PREX2: variants seen among roughly 807,000 people sequenced by gnomAD.
The protein encoded by PREX2 is phosphatidylinositol-3,4,5-trisphosphate dependent Rac exchange factor 2, also known as phosphatidylinositol 3,4,5-trisphosphate-dependent Rac exchanger 2 protein.
Under a neutral mutation model 203.2 loss-of-function variants are expected in PREX2, and 107 were observed. The observed-to-expected ratio is 0.53, with a 90% CI of 0.45 to 0.62. The LOEUF is 0.62. Among genes scored for constraint, PREX2 ranks in the 20% least tolerant of loss-of-function variants. The probability of loss-of-function intolerance (pLI) is 0.00; values close to 1 mark genes in which losing one functional copy is unlikely to be tolerated. For missense variants in PREX2, 1,777 were observed against 1,955.9 expected, an observed-to-expected ratio of 0.91 and a Z score of 1.72; for synonymous variants, 672 against 663.6, an observed-to-expected ratio of 1.01 and a Z score of -0.19.
At chr8:68,172,532 G>T (rs1240160704) in intron 35 of PREX2, among the ~76,000 whole-genome samples, 1 of 152,132 alleles carries the variant, frequency 6.6e-6, no homozygotes, top group Non-Finnish European at 1.5e-5. Context: ...AATTATGTAG[G>T]GGAAGTGTAA....
At chr8:68,035,419 A>G (rs1008155235) in intron 6 of PREX2, among the ~76,000 whole-genome samples, 1 of 152,112 alleles carries the variant, frequency 6.6e-6, no homozygotes. Context: ...GGATGTTTCA[A>G]GGCCTCCTGT....
chr8:68,085,345 A>G (rs1001982394), intron 18 of PREX2, among the ~76,000 whole-genome samples: 1 of 152,214 alleles, frequency 6.6e-6, no homozygotes, highest in African/African-American at 2.4e-5. Context: ...TGAAGATGGC[A>G]TACTCATTTT....
intron 35 of PREX2, among the ~76,000 whole-genome samples, chr8:68,161,626 A>G (rs937890572): frequency 2.0e-5 from 3 of 152,088 alleles, no homozygotes; most frequent in Non-Finnish European, 4.4e-5. Context: ...GTTGTATCCT[A>G]CATTTTACCA....
rs1355052408 is a variant in PREX2, at chr8:68,105,512, G to T, written c.2716-2597G>T. On this transcript the variant is annotated intron_variant, in intron 23 of 39. Transcript: ENST00000288368. ...CCCCTAGCAAGAGAATCTTCTGCCAGCTCTCCCCGATTACTCCATTAACAC... is the reference window on the plus strand; with the variant it reads ...CCCCTAGCAAGAGAATCTTCTGCCATCTCTCCCCGATTACTCCATTAACAC... The T allele has an allele frequency of 2.6e-6, 3 of 1,156,124 alleles. No homozygotes were observed. In the East Asian group the frequency reaches 1.8e-4, roughly 71 times the overall value. The allele number at this position is 1,156,124 out of a possible 1,614,324, so 71.6% of individuals were successfully genotyped here.
intron 35 of PREX2, 94 bp from the exon 36 acceptor site, chr8:68,191,628 T>G: frequency 2.3e-6 from 2 of 888,606 alleles, no homozygotes; most frequent in Non-Finnish European, 3.7e-6. Flanking sequence ...TATTCACTTG[T>G]TTTTAAAAAA....
intron 26 of PREX2, among the ~76,000 whole-genome samples, chr8:68,116,834 AC>A (rs1446097122): frequency 6.6e-6 from 1 of 152,142 alleles, no homozygotes; most frequent in African/African-American, 2.4e-5. Context: ...ACCTAGTTCA[AC>A]CCAAAATACT....
At chr8:68,197,747 A>ATATATATATGCTATAT (rs1022099797) in intron 37 of PREX2, among the ~76,000 whole-genome samples, 39 of 148,224 alleles carry the variant, frequency 2.6e-4, no homozygotes, top group African/African-American at 8.6e-4. Context: ...TATATATGCT[A>ATATATATATGCTATAT]TATATATATG....
At chr8:68,075,824 A>T (rs1279338620) in intron 14 of PREX2, among the ~76,000 whole-genome samples, 2 of 152,320 alleles carry the variant, frequency 1.3e-5, no homozygotes, top group East Asian at 3.9e-4. Context: ...AGGAGGATTA[A>T]TGAGGGTTGG....
chr8:68,090,839 A>T (rs11988899), intron 20 of PREX2, 124 bp downstream of exon 20: 1 of 632,032 alleles, frequency 1.6e-6, no homozygotes, highest in Non-Finnish European at 2.6e-6. Flanking sequence ...TAAACACAGC[A>T]TTATAAATCT....
chr8:68,133,611 G>C (rs1364819828), intron 31 of PREX2, among the ~76,000 whole-genome samples: 1 of 152,084 alleles, frequency 6.6e-6, no homozygotes, highest in African/African-American at 2.4e-5. Context: ...ATTTGAGTAG[G>C]TTTAGTTGTT....
chr8:68,003,082 A>G lies in PREX2; in HGVS notation c.142-14764A>G, dbSNP rs180814589. Reference sequence around the variant, plus strand: ...TATGCTACTTTTTATTGATTTGTACATTATTTTTAAAAGATTTCTGAAGAC... The same window carrying G: ...TATGCTACTTTTTATTGATTTGTACGTTATTTTTAAAAGATTTCTGAAGAC... On this transcript the variant is annotated intron_variant, in intron 1 of 39. Coordinates refer to ENST00000288368, the MANE Select transcript of PREX2 (RefSeq NM_024870.4). Among the ~76,000 whole-genome samples the G allele has an allele frequency of 4.0e-3, 616 of 152,278 alleles. 6 individuals carry two copies. Among genetic ancestry groups the G allele is most frequent in the African/African-American group, 0.014 (597 of 41,556 alleles).
intron 23 of PREX2, 103 bp from the exon 24 acceptor site, chr8:68,108,006 T>G: frequency 1.4e-6 from 1 of 698,006 alleles, no homozygotes; most frequent in Non-Finnish European, 2.4e-6. Flanking sequence ...GTTGACATGA[T>G]TTAATTTGCC....
intron 22 of PREX2, among the ~76,000 whole-genome samples, chr8:68,097,572 ACT>A (rs1271991631): frequency 1.3e-5 from 2 of 152,218 alleles, no homozygotes; most frequent in Admixed American, 6.5e-5. Context: ...TGATCCAGCT[ACT>A]TTGGCATTCC....
intron 18 of PREX2, among the ~76,000 whole-genome samples, chr8:68,084,908 A>AACTGTTAGAGACT (rs1809635642): frequency 6.6e-6 from 1 of 151,998 alleles, no homozygotes; most frequent in African/African-American, 2.4e-5. Flanking sequence ...GATCAGAGAC[A>AACTGTTAGAGACT]TTCCAACTGT....
intron 31 of PREX2, among the ~76,000 whole-genome samples, chr8:68,131,805 C>T (rs1421596297): frequency 6.6e-6 from 1 of 152,086 alleles, no homozygotes; most frequent in Non-Finnish European, 1.5e-5. Flanking sequence ...CAGTGCAGAT[C>T]CTTCTTTCTC....
chr8:68,166,548 C>T (rs536398260), intron 35 of PREX2, among the ~76,000 whole-genome samples: 3 of 152,106 alleles, frequency 2.0e-5, no homozygotes, highest in Non-Finnish European at 4.4e-5. Flanking sequence ...TTAATCTTGA[C>T]TTCTTAAGAA....
intron 30 of PREX2, among the ~76,000 whole-genome samples, chr8:68,122,642 A>G (rs1318977220): frequency 1.3e-5 from 2 of 152,026 alleles, no homozygotes; most frequent in African/African-American, 2.4e-5. Context: ...GAATGGAGAA[A>G]TCCTTAAATC....
At chr8:68,081,888 G>A (rs980332929) in intron 17 of PREX2, among the ~76,000 whole-genome samples, 5 of 150,866 alleles carry the variant, frequency 3.3e-5, no homozygotes, top group African/African-American at 1.2e-4. Context: ...AATAGAGACA[G>A]GTTTTACCAT....
intron 1 of PREX2, among the ~76,000 whole-genome samples, chr8:68,001,908 G>C (rs10957413): frequency 6.6e-6 from 1 of 151,890 alleles, no homozygotes. Flanking sequence ...ACTTGGACAC[G>C]AAGAGGGGAA....
Sources: gnomAD v4.1 joint callset for allele counts (sites outside exome capture counted in the v4.1 genomes callset) on GRCh38, gnomAD v4.1.1 for gene constraint, MANE v1.5 for transcripts, NCBI Gene and HGNC (gene_info 2026-07-23, HGNC 2026-07-21) for gene names.